Variants in PCSK2 observed in about 807,000 individuals in gnomAD.
PCSK2 encodes the protein proprotein convertase subtilisin/kexin type 2.
In PCSK2, 14 loss-of-function variants were observed where a neutral mutation model predicts 69.7. That is an observed-to-expected ratio of 0.20 (90% CI 0.13 to 0.31). The LOEUF is 0.31. Among genes scored for constraint, PCSK2 ranks in the 10% least tolerant of loss-of-function variants. PCSK2 has a pLI of 1.00. For missense variants in PCSK2, 544 were observed against 842.5 expected (o/e 0.65, Z 4.39); for synonymous variants, 307 against 320.7 (o/e 0.96, Z 0.46).
At chr20:17,304,293 G>T (rs991234265) in intron 2 of PCSK2, among the ~76,000 whole-genome samples, 2 of 152,000 alleles carry the variant, frequency 1.3e-5, no homozygotes, top group African/African-American at 4.8e-5. Context: ...ATATATTTCT[G>T]CCACATAATA....
Position 17,315,660 on chromosome 20 carries a change from C to A in PCSK2, c.283-42667C>A, listed in dbSNP as rs536010251. 8.4e-4 allele frequency among the ~76,000 whole-genome samples: 128 copies of A among 152,346 alleles called. 1 individual carries two copies. The highest frequency in any genetic ancestry group is 3.0e-3 in the African/African-American group (124 of 41,582). On this transcript the variant is annotated intron_variant, in intron 2 of 11. Coordinates refer to ENST00000262545, the MANE Select transcript of PCSK2 (RefSeq NM_002594.5). ...GAGTAGGTGCCTGCAGCCAGGGGCGCGCCCATCCTTTCGCACACAACAGGC... is the reference window on the plus strand; with the variant it reads ...GAGTAGGTGCCTGCAGCCAGGGGCGAGCCCATCCTTTCGCACACAACAGGC...
chr20:17,247,756 G>A (rs1284700596), intron 1 of PCSK2, among the ~76,000 whole-genome samples: 1 of 152,210 alleles, frequency 6.6e-6, no homozygotes, highest in South Asian at 2.1e-4. Context: ...GATTCCCTAA[G>A]GGAAGAGAAC....
At chr20:17,455,456 T>A (rs2032902222) in intron 9 of PCSK2, among the ~76,000 whole-genome samples, 2 of 152,206 alleles carry the variant, frequency 1.3e-5, no homozygotes, top group South Asian at 2.1e-4. Context: ...GTGGAGGTGA[T>A]ACCCACATAT....
At chr20:17,353,465 C>G (rs11907346) in intron 2 of PCSK2, among the ~76,000 whole-genome samples, 2,048 of 145,102 alleles carry the variant, frequency 0.014, 50 homozygotes, top group East Asian at 0.036. Flanking sequence ...CTCCATCACA[C>G]AAAAAAAAAA....
At chr20:17,331,439 T>C in intron 2 of PCSK2, among the ~76,000 whole-genome samples, 1 of 152,212 alleles carries the variant, frequency 6.6e-6, no homozygotes, top group East Asian at 1.9e-4. Flanking sequence ...AACTCACTGC[T>C]TTTTCCATTC....
At chr20:17,333,445 C>G (rs946696020) in intron 2 of PCSK2, among the ~76,000 whole-genome samples, 1 of 152,154 alleles carries the variant, frequency 6.6e-6, no homozygotes, top group African/African-American at 2.4e-5. Flanking sequence ...CATAACTTTC[C>G]TCCCTCCAAA....
chr20:17,476,700 C>T (rs762612838), intron 11 of PCSK2, among the ~76,000 whole-genome samples: 6 of 152,224 alleles, frequency 3.9e-5, no homozygotes, highest in Non-Finnish European at 7.3e-5. Flanking sequence ...CAACTGGACT[C>T]GTACTCTGAG....
chr20:17,272,919 T>A (rs1253629949), intron 2 of PCSK2, among the ~76,000 whole-genome samples: 1 of 152,136 alleles, frequency 6.6e-6, no homozygotes, highest in Non-Finnish European at 1.5e-5. Context: ...ACAATCTAAT[T>A]TGGTCATTCA....
intron 2 of PCSK2, among the ~76,000 whole-genome samples, chr20:17,270,505 A>G (rs1987819088): frequency 6.6e-6 from 1 of 152,092 alleles, no homozygotes; most frequent in Admixed American, 6.6e-5. Flanking sequence ...AGTTTATCTA[A>G]TTGGTTTGCC....
In PCSK2 at chr20:17,399,331, A is replaced by T. The variant is rs372456855; in HGVS notation, c.544-9932A>T. The stretch of plus-strand genomic sequence containing the variant: ...GTGTTTGCCAAACCAACCAACAGTC[A>T]CTATACACTTTTGCTACTGGTGTTA... On this transcript the variant is annotated intron_variant, in intron 5 of 11. Transcript: ENST00000262545. Among the ~76,000 whole-genome samples, 36 of 152,344 alleles carry T rather than the reference A, an allele frequency of 2.4e-4. No individual in the cohort carries two copies. The South Asian group carries it at 7.3e-3, about 31-fold the overall frequency.
At chr20:17,253,562 T>C (rs1249057949) in intron 1 of PCSK2, among the ~76,000 whole-genome samples, 1 of 152,250 alleles carries the variant, frequency 6.6e-6, no homozygotes, top group Non-Finnish European at 1.5e-5. Context: ...CATTTAGAAA[T>C]AATATTCCAT....
At chr20:17,306,410 T>C (rs1367020285) in intron 2 of PCSK2, among the ~76,000 whole-genome samples, 4 of 152,072 alleles carry the variant, frequency 2.6e-5, no homozygotes, top group African/African-American at 9.7e-5. Flanking sequence ...CCAAAGAGGA[T>C]TGTTTGAATT....
intron 2 of PCSK2, among the ~76,000 whole-genome samples, chr20:17,313,510 C>T (rs994634509): frequency 7.2e-5 from 11 of 152,052 alleles, no homozygotes; most frequent in Non-Finnish European, 2.9e-5. Flanking sequence ...TTAAGACCTT[C>T]GAGTGACTCA....
At chr20:17,446,422 A>G (rs1273572049) in intron 8 of PCSK2, among the ~76,000 whole-genome samples, 1 of 152,214 alleles carries the variant, frequency 6.6e-6, no homozygotes, top group African/African-American at 2.4e-5. Context: ...GTTCCAAACT[A>G]CAAAGGATAC....
At chr20:17,348,797 G>A (rs2029888205) in intron 2 of PCSK2, among the ~76,000 whole-genome samples, 1 of 152,090 alleles carries the variant, frequency 6.6e-6, no homozygotes, top group African/African-American at 2.4e-5. Flanking sequence ...CAGTTATATT[G>A]GATGAGACCC....
At chr20:17,433,090 T>C (rs543454187) in intron 7 of PCSK2, among the ~76,000 whole-genome samples, 1 of 152,292 alleles carries the variant, frequency 6.6e-6, no homozygotes, top group African/African-American at 2.4e-5. Context: ...TTCACCTTCC[T>C]TTTTAAACCA....
chr20:17,438,020 C>A (rs1386847164), intron 8 of PCSK2, among the ~76,000 whole-genome samples: 8 of 150,292 alleles, frequency 5.3e-5, no homozygotes, highest in Non-Finnish European at 7.4e-5. Flanking sequence ...AGAGGACTCT[C>A]TGTAATCAGC....
At chr20:17,419,810 T>A (rs562226057) in intron 6 of PCSK2, among the ~76,000 whole-genome samples, 1 of 152,226 alleles carries the variant, frequency 6.6e-6, no homozygotes, top group African/African-American at 2.4e-5. Flanking sequence ...AAAATCTCTC[T>A]TGCATAGCAT....
chr20:17,347,740 T>C (rs1990687068), intron 2 of PCSK2, among the ~76,000 whole-genome samples: 2 of 149,622 alleles, frequency 1.3e-5, no homozygotes, highest in Non-Finnish European at 2.9e-5. Flanking sequence ...TCTCTGTGCC[T>C]TCTTCTCAAT....
Sources: gnomAD v4.1 joint callset for allele counts (sites outside exome capture counted in the v4.1 genomes callset) on GRCh38, gnomAD v4.1.1 for gene constraint, MANE v1.5 for transcripts, NCBI Gene and HGNC (gene_info 2026-07-23, HGNC 2026-07-21) for gene names.